The following SCAMP2 variants were observed in gnomAD, a reference collection of about 807,000 sequenced individuals.
The protein encoded by SCAMP2 is secretory carrier membrane protein 2, also known as secretory carrier-associated membrane protein 2.
Under a neutral mutation model 44.1 loss-of-function variants are expected in SCAMP2, and 25 were observed. The observed-to-expected ratio is 0.57, with a 90% CI of 0.41 to 0.79. The LOEUF (loss-of-function observed/expected upper bound fraction) is 0.79. Ranked by LOEUF, SCAMP2 falls within the 30% of genes least tolerant of loss-of-function variation. The pLI, the probability that SCAMP2 is intolerant of heterozygous loss-of-function variation, is 0.00. For missense variants in SCAMP2, 355 were observed against 411.0 expected (o/e 0.86, Z 1.18); for synonymous variants, 156 against 166.0 (o/e 0.94, Z 0.46).
chr15:74,872,388 G>A (rs1425124854), intron 1 of SCAMP2, among the ~76,000 whole-genome samples: 1 of 151,742 alleles, frequency 6.6e-6, no homozygotes, highest in African/African-American at 2.4e-5. Flanking sequence ...ACTCCAGCCT[G>A]GGCGACAAAG....
chr15:74,866,596 C>T (rs2064545578), intron 1 of SCAMP2, among the ~76,000 whole-genome samples: 1 of 152,030 alleles, frequency 6.6e-6, no homozygotes, highest in Admixed American at 6.6e-5. Flanking sequence ...CCTGTAATCC[C>T]AGCTACTCGG....
chr15:74,865,785 CAAAAAAAA>C (rs768984095), intron 1 of SCAMP2, among the ~76,000 whole-genome samples: 3 of 90,662 alleles, frequency 3.3e-5, no homozygotes, highest in African/African-American at 1.4e-4. Flanking sequence ...CTCATTTCTC[CAAAAAAAA>C]AAAAAAAAAA....
intron 3 of SCAMP2, chr15:74,853,330 G>A (rs770805951): frequency 5.6e-5 from 25 of 445,090 alleles, no homozygotes; most frequent in Admixed American, 2.4e-4. Context: ...GGCTCCGGGT[G>A]CCCTGCCCTT....
chr15:74,845,005 A>T lies in SCAMP2; in HGVS notation c.*78T>A. 6.6e-7 allele frequency: 1 copy of T among 1,519,224 alleles called. No individual in the cohort carries two copies. Among genetic ancestry groups the T allele is most frequent in the Non-Finnish European group, 9.0e-7 (1 of 1,115,626 alleles). 94.1% of individuals were successfully genotyped at this position (1,519,224 alleles called of 1,614,324 possible). A position where few individuals can be genotyped will look rare whatever the true frequency, so the allele number is the denominator to read the frequency against. ...CAGGTCTGTGCTGGGCACAACCACCACCACATAAGGCACCCACGGAAAGTG... is the reference window on the plus strand; with the variant it reads ...CAGGTCTGTGCTGGGCACAACCACCTCCACATAAGGCACCCACGGAAAGTG... On this transcript the variant is annotated 3_prime_UTR_variant, in exon 9 of 9. Coordinates refer to ENST00000268099, the MANE Select transcript of SCAMP2 (RefSeq NM_005697.5).
At chr15:74,847,769 T>C (rs2064409352) in intron 7 of SCAMP2, among the ~76,000 whole-genome samples, 2 of 152,208 alleles carry the variant, frequency 1.3e-5, no homozygotes, top group African/African-American at 4.8e-5. Context: ...TTGAGATTAA[T>C]TTTGAGCTGA....
At chr15:74,851,294 G>A (rs904022611) in intron 5 of SCAMP2, 59 bp downstream of exon 5, 4 of 1,583,614 alleles carry the variant, frequency 2.5e-6, no homozygotes, top group Non-Finnish European at 3.5e-6. Flanking sequence ...GGACCAAGAT[G>A]GGGCTCTCAA....
chr15:74,859,537 TG>T (rs1162502860), intron 1 of SCAMP2, among the ~76,000 whole-genome samples: 1 of 148,414 alleles, frequency 6.7e-6, no homozygotes, highest in Non-Finnish European at 1.5e-5. Context: ...TCCACATAGC[TG>T]GGGGGTAAAG....
chr15:74,864,203 AG>A (rs1223204640), intron 1 of SCAMP2, among the ~76,000 whole-genome samples: 5 of 152,168 alleles, frequency 3.3e-5, no homozygotes, highest in Non-Finnish European at 5.9e-5. Context: ...CTAGGATTAC[AG>A]GTGTGTGCCA....
intron 1 of SCAMP2, among the ~76,000 whole-genome samples, chr15:74,869,529 A>C (rs572818064): frequency 6.6e-6 from 1 of 152,234 alleles, no homozygotes; most frequent in South Asian, 2.1e-4. Flanking sequence ...GTTTAACACC[A>C]ATGTCTGAGC....
intron 1 of SCAMP2, among the ~76,000 whole-genome samples, chr15:74,865,237 C>T (rs1462752339): frequency 2.6e-5 from 4 of 151,544 alleles, no homozygotes; most frequent in South Asian, 4.2e-4. Flanking sequence ...AAAAATTAGC[C>T]GGGCGTGGTG....
rs760642146 is a variant in SCAMP2, at chr15:74,845,230, G to A, written c.856-13C>T. The A allele has an allele frequency of 5.6e-6, 9 of 1,610,734 alleles. No homozygotes were observed. The highest frequency in any genetic ancestry group is 1.7e-5 in the Admixed American group (1 of 59,962). On this transcript the variant is annotated splice_polypyrimidine_tract_variant and intron_variant, in intron 8 of 8. Transcript: ENST00000268099. ...AGAGGGAGTGCACCTGGCGAAGAGG[G>A]GTGGGGTGAGAGAAGCCTGTCCTTT...
In SCAMP2 at chr15:74,845,392, G is replaced by A. The variant is rs764181886; in HGVS notation, c.855+81C>T. ...GGGCCTAGGATGCCCAACTGCAGTG[G>A]TGAAAAACATCTCGTGGCAAGGGCA... On this transcript the variant is annotated intron_variant, in intron 8 of 8. Coordinates refer to ENST00000268099, the MANE Select transcript of SCAMP2 (RefSeq NM_005697.5). The A allele has an allele frequency of 2.5e-5, 40 of 1,608,358 alleles. No homozygotes were observed. The Admixed American group carries it at 6.3e-4, about 25-fold the overall frequency.
At chr15:74,852,252 T>A in intron 3 of SCAMP2, 66 bp from the exon 4 acceptor site, 1 of 1,216,318 alleles carries the variant, frequency 8.2e-7, no homozygotes, top group Non-Finnish European at 1.1e-6. Flanking sequence ...TCAGCCTGGG[T>A]AGGCAGGCAG....
chr15:74,848,329 A>G (rs1410930161), intron 7 of SCAMP2: 2 of 294,016 alleles, frequency 6.8e-6, no homozygotes, highest in Non-Finnish European at 1.3e-5. Flanking sequence ...CGGCCTCCCA[A>G]AGTACTGGGA....
intron 6 of SCAMP2, among the ~76,000 whole-genome samples, chr15:74,850,117 T>C (rs373729020): frequency 2.0e-5 from 3 of 152,184 alleles, no homozygotes; most frequent in African/African-American, 7.2e-5. Flanking sequence ...GAAGCATCAA[T>C]AGTCATGGAG....
intron 1 of SCAMP2, among the ~76,000 whole-genome samples, chr15:74,869,055 G>A (rs1185933522): frequency 2.0e-5 from 3 of 152,192 alleles, no homozygotes; most frequent in Non-Finnish European, 4.4e-5. Context: ...TCAGGAGGCT[G>A]AGGCAGGAGA....
intron 1 of SCAMP2, among the ~76,000 whole-genome samples, chr15:74,866,537 C>G (rs537199530): frequency 6.6e-6 from 1 of 152,120 alleles, no homozygotes. Flanking sequence ...GTGGTTGAAA[C>G]CCCACCTCTA....
At chr15:74,856,261 G>GTT (rs1567251963) in intron 1 of SCAMP2, among the ~76,000 whole-genome samples, 2 of 108,632 alleles carry the variant, frequency 1.8e-5, no homozygotes, top group African/African-American at 6.9e-5. Context: ...TGCAGAGCCA[G>GTT]TTCTTTTTTT....
chr15:74,853,848 T>C (rs1454203835), intron 3 of SCAMP2, 173 bp downstream of exon 3: 14 of 611,608 alleles, frequency 2.3e-5, no homozygotes, highest in Non-Finnish European at 3.8e-5. Flanking sequence ...GGATATTAAT[T>C]GGCAGAGCAG....
Sources: gnomAD v4.1 joint callset for allele counts (sites outside exome capture counted in the v4.1 genomes callset) on GRCh38, gnomAD v4.1.1 for gene constraint, MANE v1.5 for transcripts, NCBI Gene and HGNC (gene_info 2026-07-23, HGNC 2026-07-21) for gene names.